Variants in HSD17B12 observed in about 807,000 individuals in gnomAD.
HSD17B12 encodes the protein hydroxysteroid 17-beta dehydrogenase 12.
A neutral mutation model predicts 39.3 loss-of-function variants in HSD17B12; 32 were observed. That is an observed-to-expected ratio of 0.81 (90% confidence interval 0.61 to 1.09). The LOEUF is 1.09. Among genes scored for constraint, HSD17B12 ranks in the 50% least tolerant of loss-of-function variants. The pLI is 0.00. For missense variants in HSD17B12, 342 were observed against 382.9 expected (o/e 0.89, Z 0.89); for synonymous variants, 150 against 146.7 (o/e 1.02, Z -0.16).
At chr11:43,575,472 C>A in the HSD17B12 span, among the ~76,000 whole-genome samples, 1 of 152,222 alleles carries the variant, frequency 6.6e-6, no homozygotes, top group African/African-American at 2.4e-5. This position sits in a 1 kb window ranked among gnomAD's most constrained non-coding sequence, Gnocchi z 4.1. Flanking sequence ...AGCGTGTGCA[C>A]GGCCGAGTTT....
At chr11:43,763,859 T>C (rs926687264) in intron 3 of HSD17B12, among the ~76,000 whole-genome samples, 7 of 151,996 alleles carry the variant, frequency 4.6e-5, no homozygotes, top group Admixed American at 6.5e-5. Flanking sequence ...ATTTGTATAG[T>C]ATTTCAAGGT....
chr11:43,832,199 C>T (rs1951318018), intron 7 of HSD17B12, among the ~76,000 whole-genome samples: 1 of 152,104 alleles, frequency 6.6e-6, no homozygotes. Context: ...CAGACCAGAA[C>T]CCTAGAAGAT....
the HSD17B12 span, among the ~76,000 whole-genome samples, chr11:43,585,006 C>T: frequency 6.6e-6 from 1 of 152,362 alleles, no homozygotes; most frequent in South Asian, 2.1e-4. Flanking sequence ...GCCCACTCTT[C>T]CTTCTCCACC....
At chr11:43,621,818 A>G in the HSD17B12 span, among the ~76,000 whole-genome samples, 7 of 152,316 alleles carry the variant, frequency 4.6e-5, no homozygotes, top group South Asian at 1.5e-3. Flanking sequence ...TTTTTTCCCA[A>G]ATTACAAGTC....
At chr11:43,629,097 G>A in the HSD17B12 span, among the ~76,000 whole-genome samples, 2 of 152,192 alleles carry the variant, frequency 1.3e-5, no homozygotes, top group African/African-American at 2.4e-5. Flanking sequence ...GGATGTGGAC[G>A]TTGATTTCCC....
chr11:43,820,498 A>G (rs1472828158), intron 6 of HSD17B12, among the ~76,000 whole-genome samples: 1 of 152,170 alleles, frequency 6.6e-6, no homozygotes, highest in Non-Finnish European at 1.5e-5. Flanking sequence ...TTTCAGTAGC[A>G]ATGGCTGTTT....
At chr11:43,839,833 TG>T (rs1322121997) in intron 8 of HSD17B12, among the ~76,000 whole-genome samples, 165 bp from the exon 9 acceptor site, 18 of 152,112 alleles carry the variant, frequency 1.2e-4, no homozygotes, top group African/African-American at 4.3e-4. Flanking sequence ...AAAAACAGCT[TG>T]AGGTTTTCAG....
intron 3 of HSD17B12, among the ~76,000 whole-genome samples, chr11:43,778,917 A>G (rs1380128135): frequency 3.9e-5 from 6 of 152,226 alleles, no homozygotes; most frequent in Non-Finnish European, 2.9e-5. Context: ...TAATTTTAAT[A>G]TTTATAATCT....
chr11:43,824,930 A>T (rs1951218954), intron 6 of HSD17B12, among the ~76,000 whole-genome samples: 2 of 152,200 alleles, frequency 1.3e-5, no homozygotes, highest in South Asian at 4.1e-4. Flanking sequence ...CAGGAGTTTG[A>T]GACCAGCCTG....
intron 1 of HSD17B12, among the ~76,000 whole-genome samples, chr11:43,738,663 T>C (rs1158694696): frequency 6.6e-6 from 1 of 152,238 alleles, no homozygotes; most frequent in African/African-American, 2.4e-5. Flanking sequence ...CATTCACTCA[T>C]CCATTCATAC....
intron 3 of HSD17B12, among the ~76,000 whole-genome samples, chr11:43,767,717 T>C (rs1950608255): frequency 6.6e-6 from 1 of 152,244 alleles, no homozygotes. Flanking sequence ...ATTTGAATTA[T>C]TTCATTTCTT....
At chr11:43,809,051 T>C (rs1419897617) in intron 4 of HSD17B12, among the ~76,000 whole-genome samples, 1 of 152,204 alleles carries the variant, frequency 6.6e-6, no homozygotes, top group Non-Finnish European at 1.5e-5. Context: ...CTCTGGTTAA[T>C]GGATGTCCAG....
chr11:43,848,609 T>C (rs191277446), intron 9 of HSD17B12: 19 of 152,356 alleles, frequency 1.2e-4, no homozygotes, highest in African/African-American at 4.6e-4. Context: ...ATATTTTATT[T>C]AATTCTCATG....
chr11:43,645,277 T>G, the HSD17B12 span: 1 of 152,238 alleles, frequency 6.6e-6, no homozygotes, highest in African/African-American at 2.4e-5. Flanking sequence ...CCTCATTGTT[T>G]CTGCCACAAT....
chr11:43,737,343 T>C (rs1950325895), intron 1 of HSD17B12, among the ~76,000 whole-genome samples: 1 of 152,252 alleles, frequency 6.6e-6, no homozygotes, highest in African/African-American at 2.4e-5. Context: ...AGAATATTTT[T>C]AACCTACACA....
At chr11:43,744,549 T>C (rs1281416266) in intron 1 of HSD17B12, among the ~76,000 whole-genome samples, 1 of 152,192 alleles carries the variant, frequency 6.6e-6, no homozygotes, top group Non-Finnish European at 1.5e-5. Context: ...CAAAAAGATA[T>C]ACACAATTTA....
the HSD17B12 span, among the ~76,000 whole-genome samples, chr11:43,608,981 G>A: frequency 6.6e-6 from 1 of 152,194 alleles, no homozygotes; most frequent in East Asian, 1.9e-4. Context: ...CTGTAGTGTA[G>A]TGGTGTGGTC....
chr11:43,683,130 T>C (rs1023709063), intron 1 of HSD17B12, among the ~76,000 whole-genome samples: 1 of 149,148 alleles, frequency 6.7e-6, no homozygotes, highest in African/African-American at 2.5e-5. Context: ...CTCTTTAAAA[T>C]TGACCATATT....
At chr11:43,677,352 A>G (rs984794901), upstream of HSD17B12, among the ~76,000 whole-genome samples, 4 of 152,178 alleles carry the variant, frequency 2.6e-5, no homozygotes, top group Non-Finnish European at 5.9e-5. Context: ...AATTTTAGGT[A>G]CCTTTCTGAG....
Sources: gnomAD v4.1 joint callset for allele counts (sites outside exome capture counted in the v4.1 genomes callset) on GRCh38, gnomAD v4.1.1 for gene constraint, Gnocchi (gnomAD v3.1) non-coding constraint, MANE v1.5 for transcripts, NCBI Gene and HGNC (gene_info 2026-07-23, HGNC 2026-07-21) for gene names.